RBFOX1: variants seen among roughly 807,000 people sequenced by gnomAD.
RBFOX1 encodes RNA binding fox-1 homolog 1.
Under a neutral mutation model 57.7 loss-of-function variants are expected in RBFOX1, and 8 were observed. The observed-to-expected ratio is 0.14, with a 90% CI of 0.08 to 0.25. The LOEUF is 0.25. Among genes scored for constraint, RBFOX1 ranks in the 10% least tolerant of loss-of-function variants. RBFOX1 has a pLI of 1.00. For synonymous variants in RBFOX1, 326 were observed against 222.4 expected (o/e 1.47, Z -4.15); for missense variants, 611 against 548.5 (o/e 1.11, Z -1.14).
At chr16:6,632,239 C>T (rs1022374905) in intron 2 of RBFOX1, among the ~76,000 whole-genome samples, 4 of 151,932 alleles carry the variant, frequency 2.6e-5, no homozygotes, top group Non-Finnish European at 5.9e-5. Flanking sequence ...AGTCTGTTTT[C>T]CCTGCATGCT....
chr16:6,969,080 C>T (rs971035836), intron 3 of RBFOX1, among the ~76,000 whole-genome samples: 1 of 152,122 alleles, frequency 6.6e-6, no homozygotes, highest in Non-Finnish European at 1.5e-5. Context: ...AGAGCACTTA[C>T]AGGAGAGACC....
At position 7,653,854 on chromosome 16, in the gene RBFOX1, C is replaced by A; in HGVS notation, c.797C>A (p.Ala266Asp). 1 of 1,606,490 alleles carries A rather than the reference C, an allele frequency of 6.2e-7. No individual in the cohort carries two copies. Among genetic ancestry groups the A allele is most frequent in the Non-Finnish European group, 8.5e-7 (1 of 1,179,580 alleles). Residue 266 changes from alanine to aspartate, a missense_variant, in exon 12 of 16, where the codon GCC becomes GAC. Ala to Asp is a moderately radical substitution (Grantham distance 126). This residue lies in a region of RBFOX1 where 267 missense variants were observed against 229.1 expected (regional missense o/e 1.17). Transcript: ENST00000550418. Reference sequence around the variant, plus strand: ...TATCCAGCAGCCACCGCCGCGGCCGCCTACCGAGGGGCGCACCTGCGAGGC... The same window carrying A: ...TATCCAGCAGCCACCGCCGCGGCCGACTACCGAGGGGCGCACCTGCGAGGC... ...FPYPAATAAA[A>D]YRGAHLRGRG...
intron 3 of RBFOX1, among the ~76,000 whole-genome samples, chr16:5,789,155 A>T (rs2054606604): frequency 6.6e-6 from 1 of 152,114 alleles, no homozygotes; most frequent in South Asian, 2.1e-4. Flanking sequence ...ATTCATCAAA[A>T]TCTCTAATTA....
chr16:5,986,850 G>A (rs2109029), intron 4 of RBFOX1, among the ~76,000 whole-genome samples: 79,505 of 152,010 alleles, frequency 0.52, 21,325 homozygotes, highest in African/African-American at 0.64. Context: ...ACAGGGTGTT[G>A]TGTGAATATA....
intron 1 of RBFOX1, among the ~76,000 whole-genome samples, chr16:6,103,481 C>G (rs1376626208): frequency 1.3e-5 from 2 of 152,064 alleles, no homozygotes; most frequent in Non-Finnish European, 2.9e-5. Flanking sequence ...GATGCTGTAA[C>G]AAACATCCCC....
chr16:7,423,984 G>A (rs1212237106), intron 4 of RBFOX1, among the ~76,000 whole-genome samples: 2 of 152,140 alleles, frequency 1.3e-5, no homozygotes. Context: ...CTAATAGGAT[G>A]GAGAACTAAA....
chr16:7,011,266 C>G (rs1364946982), intron 3 of RBFOX1, among the ~76,000 whole-genome samples: 2 of 152,108 alleles, frequency 1.3e-5, no homozygotes, highest in East Asian at 1.9e-4. Flanking sequence ...TTATGTAATT[C>G]TTTTAATGAT....
At chr16:7,606,906 G>C (rs1280354911) in intron 9 of RBFOX1, among the ~76,000 whole-genome samples, 1 of 152,126 alleles carries the variant, frequency 6.6e-6, no homozygotes, top group East Asian at 1.9e-4. Context: ...TCTAATTTTT[G>C]TGAACTTAAT....
intron 1 of RBFOX1, among the ~76,000 whole-genome samples, chr16:6,248,509 G>C (rs1469661662): frequency 6.6e-6 from 1 of 152,154 alleles, no homozygotes; most frequent in African/African-American, 2.4e-5. Context: ...TGAAAGGAGA[G>C]GGCAGGATGC....
At chr16:5,635,766 C>G (rs565208125) in intron 3 of RBFOX1, among the ~76,000 whole-genome samples, 8 of 152,156 alleles carry the variant, frequency 5.3e-5, no homozygotes, top group Non-Finnish European at 7.4e-5. Context: ...ATAGATCAAG[C>G]CAGAGCAGGA....
chr16:6,696,846 C>G (rs2154138031), intron 3 of RBFOX1, among the ~76,000 whole-genome samples: 1 of 152,242 alleles, frequency 6.6e-6, no homozygotes, highest in Admixed American at 6.5e-5. Flanking sequence ...CAAGGTTGTG[C>G]TCTACTGAGA....
chr16:6,281,651 C>T (rs748001475), intron 1 of RBFOX1, among the ~76,000 whole-genome samples: 7 of 152,008 alleles, frequency 4.6e-5, no homozygotes, highest in African/African-American at 9.7e-5. Flanking sequence ...TTGGTAGTAA[C>T]GGCAAAAACC....
At chr16:7,362,605 G>A (rs1372588917) in intron 4 of RBFOX1, among the ~76,000 whole-genome samples, 2 of 151,822 alleles carry the variant, frequency 1.3e-5, no homozygotes, top group African/African-American at 4.8e-5. Flanking sequence ...ATGTTCTTGT[G>A]TATATGTTTT....
At chr16:7,233,145 G>C (rs796640724) in intron 4 of RBFOX1, among the ~76,000 whole-genome samples, 12 of 151,660 alleles carry the variant, frequency 7.9e-5, no homozygotes, top group African/African-American at 2.9e-4. Context: ...ACTGTACTTA[G>C]AGTTAATCCC....
At chr16:5,681,509 C>G (rs2050338210) in intron 3 of RBFOX1, among the ~76,000 whole-genome samples, 1 of 151,524 alleles carries the variant, frequency 6.6e-6, no homozygotes, top group South Asian at 2.1e-4. Context: ...CTGCCTCAGC[C>G]TCTGGAGTAG....
At chr16:6,602,098 A>T (rs1283886566) in intron 2 of RBFOX1, among the ~76,000 whole-genome samples, 1 of 152,062 alleles carries the variant, frequency 6.6e-6, no homozygotes, top group Non-Finnish European at 1.5e-5. Flanking sequence ...TAAGTTGTTT[A>T]TTGGCCATTT....
At chr16:5,761,538 A>G (rs1415662725) in intron 3 of RBFOX1, among the ~76,000 whole-genome samples, 1 of 152,198 alleles carries the variant, frequency 6.6e-6, no homozygotes. Context: ...GAGGAAAGTC[A>G]TGTCTTACAT....
intron 3 of RBFOX1, among the ~76,000 whole-genome samples, chr16:6,736,018 G>C (rs2070186656): frequency 6.8e-6 from 1 of 147,676 alleles, no homozygotes; most frequent in Non-Finnish European, 1.5e-5. Context: ...CTTTTTGAAA[G>C]GGATTTAGAA....
rs145095044 is a variant in RBFOX1, at chr16:6,994,945, TTG to T, written c.-15-57084_-15-57083del. On this transcript the variant is annotated intron_variant, in intron 3 of 15. Transcript: ENST00000550418. ...TTGGGCATGTGATTCTTGCATTATT[TTG>T]TGTGTGTGTGTGTGTGTGTGTGTGT... 5.6e-3 allele frequency among the ~76,000 whole-genome samples: 825 copies of T among 147,808 alleles called. 3 individuals carry two copies. The highest frequency in any genetic ancestry group is 0.021 in the Admixed American group (306 of 14,712).
Sources: gnomAD v4.1 joint callset for allele counts (sites outside exome capture counted in the v4.1 genomes callset) on GRCh38, gnomAD v4.1.1 for gene constraint, gnomAD v4.1.1 regional missense constraint, MANE v1.5 for transcripts, NCBI Gene and HGNC (gene_info 2026-07-23, HGNC 2026-07-21) for gene names.